The following VWC2L variants were observed in gnomAD, a reference collection of about 807,000 sequenced individuals.
The protein encoded by VWC2L is von Willebrand factor C domain containing 2 like.
A neutral mutation model predicts 21.6 loss-of-function variants in VWC2L; 10 were observed. That is an observed-to-expected ratio of 0.46 (90% CI 0.29 to 0.78). The LOEUF (loss-of-function observed/expected upper bound fraction) is 0.78. Ranked by LOEUF, VWC2L falls within the 30% of genes least tolerant of loss-of-function variation. The pLI is 0.10. For missense variants in VWC2L, 209 were observed against 277.1 expected (o/e 0.75, Z 1.74); for synonymous variants, 96 against 94.3 (o/e 1.02, Z -0.10).
Position 214,416,094 on chromosome 2 carries a change from T to C in VWC2L, c.390+1511T>C, listed in dbSNP as rs889206032. Reference sequence around the variant, plus strand: ...TTCTAACCTGCATTTATATCTAGACTAGAATACAAAAGGGTATTGTAGGAA... The same window carrying C: ...TTCTAACCTGCATTTATATCTAGACCAGAATACAAAAGGGTATTGTAGGAA... On this transcript the variant is annotated intron_variant, in intron 2 of 3. Transcript: ENST00000312504. 5.3e-5 allele frequency among the ~76,000 whole-genome samples: 8 copies of C among 152,184 alleles called. No homozygotes were observed. The South Asian group carries it at 1.5e-3, about 28-fold the overall frequency.
intron 3 of VWC2L, among the ~76,000 whole-genome samples, chr2:214,573,544 C>T (rs184590600): frequency 5.3e-5 from 8 of 152,264 alleles, no homozygotes; most frequent in African/African-American, 1.9e-4. Flanking sequence ...ATTATTAAAG[C>T]TAGGTTGGCC....
At chr2:214,501,952 G>A (rs538879877) in intron 3 of VWC2L, among the ~76,000 whole-genome samples, 9 of 152,286 alleles carry the variant, frequency 5.9e-5, no homozygotes, top group Admixed American at 3.3e-4. Context: ...CGACTCACCT[G>A]CTGACTGCAG....
intron 3 of VWC2L, among the ~76,000 whole-genome samples, chr2:214,485,020 T>C (rs778647943): frequency 6.6e-6 from 1 of 152,128 alleles, no homozygotes; most frequent in Non-Finnish European, 1.5e-5. Context: ...TTCTTACCTT[T>C]AGAAGTCTGT....
intron 3 of VWC2L, among the ~76,000 whole-genome samples, chr2:214,559,688 C>T (rs1009362585): frequency 6.6e-6 from 1 of 151,908 alleles, no homozygotes; most frequent in Admixed American, 6.6e-5. Flanking sequence ...CAGCTCACTG[C>T]AGCCTTGAAC....
intron 3 of VWC2L, among the ~76,000 whole-genome samples, chr2:214,439,305 T>C (rs1223287502): frequency 6.6e-6 from 1 of 151,976 alleles, no homozygotes; most frequent in Admixed American, 6.6e-5. Flanking sequence ...ATAACTGGAA[T>C]AACTTAAGTT....
At chr2:214,571,481 T>A (rs1165855290) in intron 3 of VWC2L, among the ~76,000 whole-genome samples, 1 of 152,230 alleles carries the variant, frequency 6.6e-6, no homozygotes, top group Non-Finnish European at 1.5e-5. Context: ...AATACTCCTA[T>A]ATATTTAATA....
chr2:214,508,375 T>C (rs961064301), intron 3 of VWC2L, among the ~76,000 whole-genome samples: 4 of 152,196 alleles, frequency 2.6e-5, no homozygotes, highest in African/African-American at 9.7e-5. Flanking sequence ...GATGCTACTG[T>C]CTCTCCCCTT....
At chr2:214,498,696 CATATACATATTTTT>C (rs1467488550) in intron 3 of VWC2L, among the ~76,000 whole-genome samples, 10 of 38,330 alleles carry the variant, frequency 2.6e-4, no homozygotes, top group Non-Finnish European at 8.4e-4. Flanking sequence ...ATATATTATA[CATATACATATTTTT>C]ATATGTGTAT....
intron 3 of VWC2L, among the ~76,000 whole-genome samples, chr2:214,475,058 C>T (rs368033154): frequency 1.3e-5 from 2 of 152,120 alleles, no homozygotes; most frequent in Non-Finnish European, 1.5e-5. Context: ...TGACTTGATG[C>T]GAATTGTTTG....
intron 3 of VWC2L, among the ~76,000 whole-genome samples, chr2:214,467,278 A>G (rs994991499): frequency 6.6e-6 from 1 of 152,184 alleles, no homozygotes; most frequent in African/African-American, 2.4e-5. Flanking sequence ...GTTTCCCCAC[A>G]TGTATATGCT....
At chr2:214,542,801 T>C (rs116049210) in intron 3 of VWC2L, among the ~76,000 whole-genome samples, 3 of 152,314 alleles carry the variant, frequency 2.0e-5, no homozygotes, top group Non-Finnish European at 4.4e-5. Flanking sequence ...ACAATTTTCA[T>C]ACACTTTCAT....
intron 3 of VWC2L, among the ~76,000 whole-genome samples, chr2:214,457,524 C>T (rs563529505): frequency 2.0e-5 from 3 of 152,078 alleles, no homozygotes; most frequent in South Asian, 2.1e-4. Context: ...TCAAGTACTG[C>T]GTTGAGTAGG....
Position 214,577,115 on chromosome 2 carries a change from T to C in VWC2L, c.*1295T>C, listed in dbSNP as rs1175623169. The C allele has an allele frequency of 6.6e-6, 1 of 152,202 alleles. No individual in the cohort carries two copies. The highest frequency in any genetic ancestry group is 2.4e-5 in the African/African-American group (1 of 41,456). 9.4% of individuals were successfully genotyped at this position (152,202 alleles called of 1,614,324 possible). A position where few individuals can be genotyped will look rare whatever the true frequency, so the allele number is the denominator to read the frequency against. On this transcript the variant is annotated 3_prime_UTR_variant, in exon 4 of 4. Transcript: ENST00000312504. ...GATTCAAGTGCAAAATTAACAATTC[T>C]GAAACCACATGGCATAGTTAGTCGC...
intron 3 of VWC2L, among the ~76,000 whole-genome samples, chr2:214,556,581 A>G (rs1468833381): frequency 6.6e-6 from 1 of 152,168 alleles, no homozygotes; most frequent in African/African-American, 2.4e-5. Flanking sequence ...TTTTGATGTA[A>G]ATTCCTTATG....
At chr2:214,431,113 T>G (rs970227030) in intron 2 of VWC2L, among the ~76,000 whole-genome samples, 1 of 152,230 alleles carries the variant, frequency 6.6e-6, no homozygotes, top group Non-Finnish European at 1.5e-5. Context: ...GCATGCAAAT[T>G]ACCGGCTACG....
chr2:214,515,292 C>T (rs1370647320), intron 3 of VWC2L, among the ~76,000 whole-genome samples: 1 of 152,142 alleles, frequency 6.6e-6, no homozygotes, highest in Non-Finnish European at 1.5e-5. Flanking sequence ...TGATAGAGAA[C>T]AGCATGGGCA....
rs188234730 is a variant in VWC2L at position 214,444,837 on chromosome 2, C to T, written c.520+8079C>T. 4.0e-5 allele frequency among the ~76,000 whole-genome samples: 6 copies of T among 151,688 alleles called. No homozygotes were observed. The East Asian group carries it at 9.7e-4, about 24-fold the overall frequency. ...AAGTGAAGTTACATTGCTACCTTAC[C>T]GATTATATAAAAAGATAAAAATAAA... On this transcript the variant is annotated intron_variant, in intron 3 of 3. Transcript: ENST00000312504.
chr2:214,489,431 A>G (rs1259166302), intron 3 of VWC2L, among the ~76,000 whole-genome samples: 1 of 152,220 alleles, frequency 6.6e-6, no homozygotes, highest in Non-Finnish European at 1.5e-5. Flanking sequence ...TAACACAGCA[A>G]GAAATGCCAA....
intron 3 of VWC2L, among the ~76,000 whole-genome samples, chr2:214,515,757 G>A (rs1198851523): frequency 1.3e-5 from 2 of 152,096 alleles, no homozygotes; most frequent in African/African-American, 2.4e-5. Context: ...GTTTCACCAT[G>A]TTGGTCAGGC....
Sources: allele counts gnomAD v4.1 joint callset (sites outside exome capture counted in the v4.1 genomes callset), GRCh38; gene constraint gnomAD v4.1.1; transcripts MANE v1.5; gene names NCBI Gene and HGNC (gene_info 2026-07-23, HGNC 2026-07-21).